The following ACBD3 variants were observed in gnomAD, a reference collection of about 807,000 sequenced individuals.
The protein encoded by ACBD3 is Golgi resident protein GCP60.
ACBD3 carries 30 observed loss-of-function variants against 66.9 expected under a neutral mutation model. The ratio of observed to expected loss-of-function variants is 0.45; its 90% CI spans 0.34 to 0.61. The LOEUF is 0.61. Ranked by LOEUF, ACBD3 falls within the 20% of genes least tolerant of loss-of-function variation. The pLI, the probability that ACBD3 is intolerant of heterozygous loss-of-function variation, is 0.02. For missense variants in ACBD3, 544 were observed against 664.5 expected, an observed-to-expected ratio of 0.82 and a Z score of 1.99; for synonymous variants, 278 against 259.8, an observed-to-expected ratio of 1.07 and a Z score of -0.68.
At chr1:226,169,159 A>AC (rs539959253) in intron 1 of ACBD3, among the ~76,000 whole-genome samples, 192 of 151,812 alleles carry the variant, frequency 1.3e-3, no homozygotes, top group African/African-American at 4.5e-3. Flanking sequence ...CACTGTGCCC[A>AC]CCCCCTTCTC....
At chr1:226,177,251 G>A (rs1047258468) in intron 1 of ACBD3, among the ~76,000 whole-genome samples, 2 of 150,634 alleles carry the variant, frequency 1.3e-5, no homozygotes, top group Admixed American at 6.6e-5. Flanking sequence ...ATGCTGGAGT[G>A]CAGTGGTGTG....
At chr1:226,146,846 G>A in intron 7 of ACBD3, 25 bp from the exon 8 acceptor site, 1 of 1,604,068 alleles carries the variant, frequency 6.2e-7, no homozygotes. Flanking sequence ...ACAAGTCAAT[G>A]AACAGATTCA....
In ACBD3 at chr1:226,165,984, T is replaced by C. The variant is rs1195247291; in HGVS notation, c.303A>G (p.Ala101=). 2 of 1,603,572 alleles carry C rather than the reference T, an allele frequency of 1.2e-6. No homozygotes were observed. The highest frequency in any genetic ancestry group is 2.7e-5 in the African/African-American group (2 of 74,152). ...ATTTTTCTTCATAAGTTGGATGAAA[T>C]GCTTTGCCATCTTTTTCTATAAGAA... ...LRFFKEKDGK[A]FHPTYEEKLK... Residue 101 remains alanine, a synonymous_variant, in exon 2 of 8, where the codon GCA becomes GCG. Transcript: ENST00000366812.
intron 1 of ACBD3, among the ~76,000 whole-genome samples, chr1:226,181,952 C>T (rs984621497): frequency 3.3e-5 from 5 of 152,112 alleles, no homozygotes; most frequent in South Asian, 4.1e-4. Flanking sequence ...CAACTCTGGC[C>T]GGGCGTGGTA....
At position 226,152,377 on chromosome 1, in the gene ACBD3, C is replaced by T. The variant is rs752822487; in HGVS notation, c.1333G>A (p.Val445Met). The change falls in exon 7 of 8, where the codon GTG becomes ATG. Residue 445 changes from valine to methionine, a missense_variant. This residue lies in a region of ACBD3 where 383 missense variants were observed against 462.4 expected (regional missense o/e 0.83). Coordinates refer to ENST00000366812, the MANE Select transcript of ACBD3 (RefSeq NM_022735.4). ...TCATCGCTGGACTCACTGACATGCA[C>T]GCTGACAGCAGTGTTTGGAGAGTCT... ...WTDSPNTAVS[V>M]HVSESSDDDE... 2.5e-6 allele frequency: 4 copies of T among 1,614,064 alleles called. No individual in the cohort carries two copies. Among genetic ancestry groups the T allele is most frequent in the Non-Finnish European group, 3.4e-6 (4 of 1,180,050 alleles).
chr1:226,161,463 A>C, intron 4 of ACBD3, 68 bp downstream of exon 4: 2 of 1,599,068 alleles, frequency 1.3e-6, no homozygotes, highest in Admixed American at 1.8e-5. Flanking sequence ...TGGCCCGCTC[A>C]TTTCTTATTT....
At chr1:226,152,273 C>A in intron 7 of ACBD3, 62 bp downstream of exon 7, 1 of 1,582,910 alleles carries the variant, frequency 6.3e-7, no homozygotes, top group Non-Finnish European at 8.6e-7. Context: ...GACACCTGAA[C>A]TATGTACCAT....
intron 1 of ACBD3, among the ~76,000 whole-genome samples, chr1:226,167,651 C>G (rs1659899535): frequency 6.6e-6 from 1 of 152,082 alleles, no homozygotes; most frequent in South Asian, 2.1e-4. Context: ...AACAGACTAC[C>G]AAATTTAAAG....
At chr1:226,169,558 A>T (rs1274319076) in intron 1 of ACBD3, among the ~76,000 whole-genome samples, 710 of 52,314 alleles carry the variant, frequency 0.014, 17 homozygotes, top group South Asian at 0.017. Context: ...CTGCCTGGCT[A>T]TTTTTTTTTT....
chr1:226,161,818 T>C (rs542000470), intron 3 of ACBD3, 129 bp from the exon 4 acceptor site: 1 of 1,049,248 alleles, frequency 9.5e-7, no homozygotes, highest in South Asian at 1.8e-5. Flanking sequence ...AAATTTAAAA[T>C]ACATACACTT....
Position 226,186,545 on chromosome 1 carries a change from G to A in ACBD3, c.131C>T (p.Pro44Leu). Residue 44 changes from proline to leucine, a missense_variant, in exon 1 of 8, where the codon CCA (proline) becomes CTA (leucine). Coordinates refer to ENST00000366812, the MANE Select transcript of ACBD3 (RefSeq NM_022735.4). ...LLPPPLPPPS[P>L]PGSGRGPGAS... ...GCCCGGGCCGCGACCGGATCCAGGT[G>A]GCGAGGGCGGTGGCAGCGGTGGCGG... The A allele has an allele frequency of 2.2e-6, 3 of 1,367,750 alleles. No individual in the cohort carries two copies. The highest frequency in any genetic ancestry group is 2.8e-6 in the Non-Finnish European group (3 of 1,065,602). 84.7% of individuals were successfully genotyped at this position (1,367,750 alleles called of 1,614,324 possible). A position where few individuals can be genotyped will look rare whatever the true frequency, so the allele number is the denominator to read the frequency against.
chr1:226,147,599 G>A (rs1369182724), intron 7 of ACBD3, among the ~76,000 whole-genome samples: 1 of 152,142 alleles, frequency 6.6e-6, no homozygotes, highest in Non-Finnish European at 1.5e-5. Flanking sequence ...ATTGCTTTCT[G>A]TATATCTTAA....
chr1:226,146,916 G>T, intron 7 of ACBD3, 95 bp from the exon 8 acceptor site: 1 of 1,253,732 alleles, frequency 8.0e-7, no homozygotes, highest in Non-Finnish European at 1.1e-6. Context: ...TCTGGAGACA[G>T]AGTCTTGCTC....
chr1:226,157,384 T>G (rs992083255), intron 5 of ACBD3, among the ~76,000 whole-genome samples: 1 of 152,054 alleles, frequency 6.6e-6, no homozygotes, highest in African/African-American at 2.4e-5. Flanking sequence ...AGATTACAGA[T>G]GTGTACCAAC....
chr1:226,151,243 A>G (rs1659566707), intron 7 of ACBD3, among the ~76,000 whole-genome samples: 1 of 152,200 alleles, frequency 6.6e-6, no homozygotes, highest in Non-Finnish European at 1.5e-5. Context: ...GTCTGTTTAC[A>G]AGCCACCTGA....
intron 1 of ACBD3, among the ~76,000 whole-genome samples, chr1:226,169,160 C>T (rs946080741): frequency 1.3e-5 from 2 of 151,634 alleles, no homozygotes; most frequent in Admixed American, 6.6e-5. Context: ...ACTGTGCCCA[C>T]CCCCTTCTCG....
At chr1:226,158,692 G>A (rs1659719131) in intron 5 of ACBD3, among the ~76,000 whole-genome samples, 1 of 152,226 alleles carries the variant, frequency 6.6e-6, no homozygotes, top group African/African-American at 2.4e-5. Flanking sequence ...GGCAGTTGGA[G>A]GAGGAATAGC....
At chr1:226,170,180 C>T (rs1659965768) in intron 1 of ACBD3, among the ~76,000 whole-genome samples, 1 of 127,946 alleles carries the variant, frequency 7.8e-6, no homozygotes, top group African/African-American at 3.0e-5. Context: ...TTTTTTGAGA[C>T]GGAGTCTCAC....
At chr1:226,159,466 C>A in intron 4 of ACBD3, 108 bp from the exon 5 acceptor site, 1 of 1,024,488 alleles carries the variant, frequency 9.8e-7, no homozygotes, top group Non-Finnish European at 1.4e-6. Flanking sequence ...TTAAAAACAA[C>A]TAAGCTAGTA....
Sources: allele counts gnomAD v4.1 joint callset (sites outside exome capture counted in the v4.1 genomes callset), GRCh38; gene constraint gnomAD v4.1.1; regional missense constraint gnomAD v4.1.1; transcripts MANE v1.5; gene names NCBI Gene and HGNC (gene_info 2026-07-23, HGNC 2026-07-21).